The following QTGAL variants were observed in gnomAD, a reference collection of about 807,000 sequenced individuals.
The protein encoded by QTGAL is BGnT-like protein 1.
the QTGAL span, among the ~76,000 whole-genome samples, chr17:83,039,811 C>G: frequency 3.5e-4 from 53 of 152,346 alleles, no homozygotes; most frequent in Non-Finnish European, 7.3e-5. Flanking sequence ...ACTCCTGCGT[C>G]TTCTGAGCCC....
chr17:82,970,125 T>G, the QTGAL span, among the ~76,000 whole-genome samples: 2 of 152,162 alleles, frequency 1.3e-5, no homozygotes, highest in South Asian at 4.1e-4. Flanking sequence ...TCGTGACAGG[T>G]GGGTGCCTGT....
At chr17:82,955,735 CAT>C in the QTGAL span, among the ~76,000 whole-genome samples, 1 of 152,224 alleles carries the variant, frequency 6.6e-6, no homozygotes, top group African/African-American at 2.4e-5. Context: ...ATAGCAAAGA[CAT>C]GGAATCAACC....
the QTGAL span, among the ~76,000 whole-genome samples, chr17:82,950,899 C>A: frequency 2.6e-5 from 4 of 152,304 alleles, no homozygotes; most frequent in African/African-American, 9.6e-5. Context: ...CCTTGCCGTT[C>A]CATTTCTAGA....
At chr17:83,027,376 G>C in the QTGAL span, among the ~76,000 whole-genome samples, 1 of 152,248 alleles carries the variant, frequency 6.6e-6, no homozygotes, top group Non-Finnish European at 1.5e-5. Flanking sequence ...AAATTAACTA[G>C]AGATGGACAA....
chr17:83,002,099 G>A, the QTGAL span, among the ~76,000 whole-genome samples: 1 of 151,502 alleles, frequency 6.6e-6, no homozygotes, highest in Middle Eastern at 3.2e-3. Context: ...TGGCATGAAG[G>A]TCTATTTTAA....
At chr17:83,039,169 T>C in the QTGAL span, among the ~76,000 whole-genome samples, 12 of 151,760 alleles carry the variant, frequency 7.9e-5, no homozygotes, top group Admixed American at 7.2e-4. Flanking sequence ...ATTTCCTCTC[T>C]GCACCTGTTT....
chr17:83,026,319 G>A, the QTGAL span, among the ~76,000 whole-genome samples: 1 of 152,254 alleles, frequency 6.6e-6, no homozygotes. Context: ...AGCCAGAGGT[G>A]TGTGGACAGG....
At chr17:82,981,770 T>C in the QTGAL span, 2 of 152,274 alleles carry the variant, frequency 1.3e-5, no homozygotes, top group Admixed American at 1.3e-4. Context: ...TAGGTTGACA[T>C]GGCTGAGAGC....
the QTGAL span, among the ~76,000 whole-genome samples, chr17:82,983,746 C>T: frequency 6.6e-6 from 1 of 152,016 alleles, no homozygotes; most frequent in Non-Finnish European, 1.5e-5. Context: ...AGGGCAGGGG[C>T]CCCGGGGCGG....
At chr17:83,044,315 T>C in the QTGAL span, among the ~76,000 whole-genome samples, 2 of 152,310 alleles carry the variant, frequency 1.3e-5, no homozygotes, top group East Asian at 3.9e-4. Context: ...ATCCCAATAA[T>C]GTGAGGGCAG....
the QTGAL span, among the ~76,000 whole-genome samples, chr17:82,959,459 G>C: frequency 1.2e-5 from 1 of 85,398 alleles, no homozygotes; most frequent in African/African-American, 4.3e-5. Flanking sequence ...CTGTGTGCAC[G>C]TGCAGTGTGT....
chr17:82,989,669 AT>A, the QTGAL span, among the ~76,000 whole-genome samples: 6 of 152,236 alleles, frequency 3.9e-5, no homozygotes, highest in Non-Finnish European at 7.3e-5. Context: ...CAAAGTCAAC[AT>A]TGTTGATAGT....
At chr17:83,043,131 GATA>G in the QTGAL span, among the ~76,000 whole-genome samples, 24,071 of 152,122 alleles carry the variant, frequency 0.16, 2,042 homozygotes, top group African/African-American at 0.23. Flanking sequence ...CTAGAGAGAA[GATA>G]ATAAACAGAG....
the QTGAL span, among the ~76,000 whole-genome samples, chr17:83,014,133 G>T: frequency 6.6e-6 from 1 of 152,200 alleles, no homozygotes; most frequent in African/African-American, 2.4e-5. Flanking sequence ...TAAGAAAAAC[G>T]TTTAACTGTG....
chr17:82,946,879 C>G, the QTGAL span: 1 of 1,552,396 alleles, frequency 6.4e-7, no homozygotes, highest in South Asian at 1.2e-5. Context: ...AAAGACCCAC[C>G]TGGGAGCAGC....
the QTGAL span, among the ~76,000 whole-genome samples, chr17:83,047,821 T>C: frequency 7.7e-6 from 1 of 129,744 alleles, no homozygotes; most frequent in Admixed American, 7.5e-5. Context: ...CTTAGGTCTA[T>C]AATAAATCCT....
chr17:82,967,260 G>A, the QTGAL span, among the ~76,000 whole-genome samples: 2 of 152,208 alleles, frequency 1.3e-5, no homozygotes, highest in Non-Finnish European at 2.9e-5. Flanking sequence ...CTGAAGTGAT[G>A]TTTTCCTATA....
At chr17:83,010,103 G>T in the QTGAL span, among the ~76,000 whole-genome samples, 2 of 133,374 alleles carry the variant, frequency 1.5e-5, no homozygotes, top group African/African-American at 5.5e-5. Context: ...ACCCTGGTGT[G>T]GGGGGGGCTG....
the QTGAL span, among the ~76,000 whole-genome samples, chr17:82,992,114 G>A: frequency 1.3e-5 from 2 of 152,106 alleles, no homozygotes; most frequent in African/African-American, 4.8e-5. Flanking sequence ...CTAAAAAGGA[G>A]GTAGAGAGAT....
Sources: gnomAD v4.1 joint callset for allele counts (sites outside exome capture counted in the v4.1 genomes callset) on GRCh38, gnomAD v4.1.1 for gene constraint, MANE v1.5 for transcripts, NCBI Gene and HGNC (gene_info 2026-07-23, HGNC 2026-07-21) for gene names.